The following PLA2G10 variants were observed in gnomAD, a reference collection of about 807,000 sequenced individuals.
The protein encoded by PLA2G10 is phospholipase A2 group X.
In PLA2G10, 9 loss-of-function variants were observed where a neutral mutation model predicts 7.9. The observed-to-expected ratio is 1.14, with a 90% CI of 0.68 to 1.98. The LOEUF is 1.98. Ranked by LOEUF, PLA2G10 falls within the 30% of genes most tolerant of loss-of-function variation. The probability of loss-of-function intolerance (pLI) is 0.00; values close to 1 mark genes in which losing one functional copy is unlikely to be tolerated. For missense variants in PLA2G10, 53 were observed against 65.4 expected (o/e 0.81, Z 0.66); for synonymous variants, 19 against 27.5 (o/e 0.69, Z 0.97).
intron 3 of PLA2G10, among the ~76,000 whole-genome samples, chr16:14,687,015 G>A (rs1200120083): frequency 1.3e-5 from 2 of 151,962 alleles, no homozygotes; most frequent in African/African-American, 2.4e-5. Context: ...GGCTGAGGCA[G>A]GAGAATCACT....
intron 3 of PLA2G10, among the ~76,000 whole-genome samples, chr16:14,682,069 G>A (rs987024510): frequency 2.2e-4 from 33 of 151,968 alleles, no homozygotes; most frequent in African/African-American, 7.7e-4. Context: ...CTGGGCTCAA[G>A]CTATCCTCCT....
intron 3 of PLA2G10, among the ~76,000 whole-genome samples, chr16:14,686,538 T>G (rs1961070675): frequency 6.6e-6 from 1 of 152,180 alleles, no homozygotes; most frequent in Non-Finnish European, 1.5e-5. Flanking sequence ...AGATAGAGTT[T>G]CACTCTGTTG....
chr16:14,684,503 T>C (rs1269680134), intron 3 of PLA2G10, among the ~76,000 whole-genome samples: 3 of 151,290 alleles, frequency 2.0e-5, no homozygotes, highest in African/African-American at 7.3e-5. Flanking sequence ...CAGTCTCTAC[T>C]AAAAATACAA....
intron 3 of PLA2G10, among the ~76,000 whole-genome samples, chr16:14,677,932 GGATA>G (rs1344133311): frequency 3.3e-5 from 5 of 152,112 alleles, no homozygotes; most frequent in Non-Finnish European, 7.3e-5. Flanking sequence ...ATGGATGGAT[GGATA>G]GATGGATGAT....
chr16:14,686,220 C>A (rs560310087), intron 3 of PLA2G10, among the ~76,000 whole-genome samples: 1 of 151,862 alleles, frequency 6.6e-6, no homozygotes, highest in Admixed American at 6.6e-5. Context: ...TCTTGAATTC[C>A]TAGGCTCAAG....
intron 3 of PLA2G10, among the ~76,000 whole-genome samples, chr16:14,684,626 A>T (rs1961000223): frequency 6.6e-6 from 1 of 152,146 alleles, no homozygotes; most frequent in Non-Finnish European, 1.5e-5. Context: ...CGATCGTGCC[A>T]CTGCACTCCA....
intron 3 of PLA2G10, among the ~76,000 whole-genome samples, chr16:14,678,434 C>A (rs962635511): frequency 6.6e-6 from 1 of 152,198 alleles, no homozygotes; most frequent in Non-Finnish European, 1.5e-5. Flanking sequence ...CTTTCCCTCT[C>A]CTGGGTTTGT....
chr16:14,677,310 G>A (rs1230434969), intron 3 of PLA2G10, among the ~76,000 whole-genome samples: 5 of 152,086 alleles, frequency 3.3e-5, no homozygotes, highest in Non-Finnish European at 5.9e-5. Context: ...CCATTTCAAA[G>A]TGTACAAGTC....
intron 3 of PLA2G10, among the ~76,000 whole-genome samples, chr16:14,684,824 C>T (rs922325549): frequency 2.0e-5 from 3 of 151,984 alleles, no homozygotes; most frequent in Non-Finnish European, 4.4e-5. Context: ...CCTGTCTCAA[C>T]AAAAGAAGTA....
chr16:14,682,368 T>A (rs1028821833), intron 3 of PLA2G10, among the ~76,000 whole-genome samples: 9 of 149,858 alleles, frequency 6.0e-5, no homozygotes, highest in Admixed American at 6.7e-5. Flanking sequence ...GGATCAGGAG[T>A]TCAAGACGAG....
At chr16:14,680,515 C>T (rs907820401) in intron 3 of PLA2G10, among the ~76,000 whole-genome samples, 3 of 152,060 alleles carry the variant, frequency 2.0e-5, no homozygotes, top group Admixed American at 6.6e-5. Flanking sequence ...CTCAGCCTCC[C>T]GAGTAGCTGG....
chr16:14,686,743 C>G (rs1285639730), intron 3 of PLA2G10, among the ~76,000 whole-genome samples: 1 of 152,110 alleles, frequency 6.6e-6, no homozygotes, highest in Non-Finnish European at 1.5e-5. Context: ...GATCCACCTG[C>G]CTTGGCCTCC....
At position 14,678,692 on chromosome 16, in the gene PLA2G10, C is replaced by T. The variant is rs1282940999; in HGVS notation, c.356-5943G>A. ...GGCTGAGGTGCGAGGATCGCTTGAG[C>T]CCAAAAGGCAGAGGTTGAAGTGAGC... On this transcript the variant is annotated intron_variant, in intron 3 of 3. Coordinates refer to ENST00000438167, the MANE Select transcript of PLA2G10 (RefSeq NM_003561.3). 1.8e-5 allele frequency: 7 copies of T among 398,846 alleles called. No homozygotes were observed. In the Admixed American group the frequency reaches 1.9e-4, roughly 11 times the overall value. 24.7% of individuals were successfully genotyped at this position (398,846 alleles called of 1,614,324 possible).
chr16:14,684,737 G>A (rs1040802271), intron 3 of PLA2G10, among the ~76,000 whole-genome samples: 2 of 152,142 alleles, frequency 1.3e-5, no homozygotes, highest in African/African-American at 2.4e-5. Context: ...CAAGAGGATA[G>A]TTTGAGCCCA....
Position 14,677,714 on chromosome 16 carries a change from CATGG to C in PLA2G10, c.356-4969_356-4966del, listed in dbSNP as rs533254370. Among the ~76,000 whole-genome samples, 333 of 151,932 alleles carry C rather than the reference CATGG, an allele frequency of 2.2e-3. 6 individuals carry two copies. Among genetic ancestry groups the C allele is most frequent in the Non-Finnish European group, 5.4e-4 (37 of 67,966 alleles). Reference sequence around the variant, plus strand: ...CCATTCCCCTCAAGCAGGCACTCCCCATGGATGGATGGATGGATGGATGGATGAT... The same window carrying C: ...CCATTCCCCTCAAGCAGGCACTCCCCATGGATGGATGGATGGATGGATGAT... On this transcript the variant is annotated intron_variant, in intron 3 of 3. Transcript: ENST00000438167.
intron 3 of PLA2G10, chr16:14,678,842 G>T (rs1464512249): frequency 3.2e-6 from 1 of 309,328 alleles, no homozygotes; most frequent in Non-Finnish European, 6.5e-6. Flanking sequence ...CTCTCTCAGA[G>T]AAGAGCCTCC....
intron 3 of PLA2G10, among the ~76,000 whole-genome samples, chr16:14,684,208 A>T (rs190485931): frequency 6.6e-6 from 1 of 151,928 alleles, no homozygotes; most frequent in African/African-American, 2.4e-5. Flanking sequence ...AAAATATATA[A>T]AAATTAGCCG....
intron 3 of PLA2G10, among the ~76,000 whole-genome samples, chr16:14,684,706 C>T (rs1252758988): frequency 1.3e-5 from 2 of 152,046 alleles, no homozygotes; most frequent in Non-Finnish European, 2.9e-5. Context: ...CCTATAGTCT[C>T]AGCTACTCAG....
chr16:14,681,833 C>T (rs1338289399), intron 3 of PLA2G10, among the ~76,000 whole-genome samples: 1 of 151,484 alleles, frequency 6.6e-6, no homozygotes, highest in South Asian at 2.1e-4. Flanking sequence ...TTATAAATAT[C>T]ATTTTCACCT....
Sources: gnomAD v4.1 joint callset for allele counts (sites outside exome capture counted in the v4.1 genomes callset) on GRCh38, gnomAD v4.1.1 for gene constraint, MANE v1.5 for transcripts, NCBI Gene and HGNC (gene_info 2026-07-23, HGNC 2026-07-21) for gene names.